The following DTNBP1 variants were observed in gnomAD, a reference collection of about 807,000 sequenced individuals.
The protein encoded by DTNBP1 is dysbindin.
DTNBP1 carries 35 observed loss-of-function variants against 42.8 expected under a neutral mutation model. The ratio of observed to expected loss-of-function variants is 0.82; its 90% CI spans 0.63 to 1.09. The LOEUF (loss-of-function observed/expected upper bound fraction) is 1.09. Ranked by LOEUF, DTNBP1 falls within the 50% of genes least tolerant of loss-of-function variation. DTNBP1 has a pLI of 0.00. For synonymous variants in DTNBP1, 171 were observed against 162.2 expected (o/e 1.05, Z -0.41); for missense variants, 457 against 424.2 (o/e 1.08, Z -0.68).
rs2619547 is a variant in DTNBP1, at chr6:15,633,391, C to A, written c.222+4353G>T. Among the ~76,000 whole-genome samples the A allele has an allele frequency of 3.3e-5, 5 of 152,132 alleles. No individual in the cohort carries two copies. The East Asian group carries it at 9.7e-4, about 29-fold the overall frequency. On this transcript the variant is annotated intron_variant, in intron 4 of 9. Coordinates refer to ENST00000344537, the MANE Select transcript of DTNBP1 (RefSeq NM_032122.5). Reference sequence around the variant, plus strand: ...AGATGCCATCACACAACATTCATGACTCATGGGAGGAAATCAAAATACCAA... The same window carrying A: ...AGATGCCATCACACAACATTCATGAATCATGGGAGGAAATCAAAATACCAA...
At chr6:15,663,032 C>G, upstream of DTNBP1, 2 of 943,178 alleles carry the variant, frequency 2.1e-6, no homozygotes, top group Non-Finnish European at 3.0e-6. Context: ...CAACCCCAGC[C>G]CCTTCCGCGT....
At chr6:15,627,195 A>T (rs1759396234) in intron 5 of DTNBP1, 148 bp downstream of exon 5, 1 of 1,029,438 alleles carries the variant, frequency 9.7e-7, no homozygotes, top group Non-Finnish European at 1.4e-6. Flanking sequence ...GGAATCCTCA[A>T]CTAATCAAAA....
At chr6:15,541,838 T>A (rs1387073589) in intron 7 of DTNBP1, among the ~76,000 whole-genome samples, 1 of 152,132 alleles carries the variant, frequency 6.6e-6, no homozygotes, top group African/African-American at 2.4e-5. Flanking sequence ...CAGGAACATA[T>A]TCAACATACT....
At chr6:15,580,753 T>C (rs574389588) in intron 7 of DTNBP1, among the ~76,000 whole-genome samples, 1 of 152,180 alleles carries the variant, frequency 6.6e-6, no homozygotes, top group Non-Finnish European at 1.5e-5. Context: ...ACAGTTATTT[T>C]AAAAATAAAG....
At chr6:15,549,491 T>TAAAA (rs1171397685) in intron 7 of DTNBP1, among the ~76,000 whole-genome samples, 1 of 77,954 alleles carries the variant, frequency 1.3e-5, no homozygotes, top group Non-Finnish European at 2.6e-5. Context: ...TCTCAGGGAT[T>TAAAA]AAAAAAAAAA....
At chr6:15,588,854 G>A (rs1054239077) in intron 7 of DTNBP1, among the ~76,000 whole-genome samples, 38 of 152,232 alleles carry the variant, frequency 2.5e-4, no homozygotes, top group Middle Eastern at 3.4e-3. Context: ...GTGAGTACTC[G>A]TCATTCAGAT....
At chr6:15,636,157 C>CTT (rs70996562) in intron 4 of DTNBP1, among the ~76,000 whole-genome samples, 1,383 of 127,022 alleles carry the variant, frequency 0.011, 62 homozygotes, top group African/African-American at 0.041. Context: ...TTACCTGCAC[C>CTT]TTTTTTTTTT....
chr6:15,563,502 G>A (rs1056100536), intron 7 of DTNBP1, among the ~76,000 whole-genome samples: 12 of 152,120 alleles, frequency 7.9e-5, no homozygotes, highest in Admixed American at 2.6e-4. Flanking sequence ...GCCACATAAC[G>A]TTAGATACTG....
In DTNBP1 at chr6:15,523,073, GAAC is replaced by G; in HGVS notation, c.955_957del (p.Val319del). On this transcript the variant is annotated inframe_deletion, in exon 10 of 10. Transcript: ENST00000344537. Reference sequence around the variant, plus strand: ...ACCTGAACTTCCTCCTCATCGGACTGAACAACGGGGGACTCCCCACCCTCACTG... The same window carrying G: ...ACCTGAACTTCCTCCTCATCGGACTGAACGGGGGACTCCCCACCCTCACTG... 6.2e-7 allele frequency: 1 copy of G among 1,614,226 alleles called. No homozygotes were observed. Among genetic ancestry groups the G allele is most frequent in the Non-Finnish European group, 8.5e-7 (1 of 1,180,038 alleles).
intron 1 of DTNBP1, among the ~76,000 whole-genome samples, chr6:15,657,852 C>T (rs1235868719): frequency 6.6e-6 from 1 of 152,210 alleles, no homozygotes; most frequent in African/African-American, 2.4e-5. Context: ...CTTCATCTCC[C>T]AGGACTGCTT....
chr6:15,588,784 T>A (rs1776179248), intron 7 of DTNBP1, among the ~76,000 whole-genome samples: 1 of 152,362 alleles, frequency 6.6e-6, no homozygotes, highest in South Asian at 2.1e-4. Context: ...TAAACATATA[T>A]GCATCTTTAC....
chr6:15,523,544 C>A, intron 9 of DTNBP1: 2 of 1,267,800 alleles, frequency 1.6e-6, no homozygotes, highest in South Asian at 1.4e-5. Context: ...GTCCTTGTAA[C>A]CTTGATAATC....
intron 8 of DTNBP1, 142 bp downstream of exon 8, chr6:15,533,098 G>A (rs886484798): frequency 2.0e-5 from 25 of 1,274,666 alleles, no homozygotes; most frequent in Middle Eastern, 5.2e-4. Context: ...GTGGCCCGAC[G>A]CACACATTTT....
intron 6 of DTNBP1, among the ~76,000 whole-genome samples, chr6:15,603,628 T>C (rs936040775): frequency 6.6e-5 from 10 of 152,380 alleles, no homozygotes; most frequent in Admixed American, 6.5e-4. Context: ...CTATAAATAC[T>C]CTTGAGCTTT....
intron 9 of DTNBP1, 143 bp downstream of exon 9, chr6:15,524,383 C>G: frequency 6.2e-7 from 1 of 1,613,916 alleles, no homozygotes; most frequent in Non-Finnish European, 8.5e-7. Context: ...CGTGTGGAAC[C>G]GTGGGGTTAG....
intron 6 of DTNBP1, among the ~76,000 whole-genome samples, chr6:15,603,395 C>T (rs962178678): frequency 5.3e-5 from 8 of 152,140 alleles, no homozygotes; most frequent in Non-Finnish European, 1.0e-4. Flanking sequence ...AAAAGAGATA[C>T]AAGTTTCAGC....
chr6:15,622,664 A>G (rs1166663434), intron 5 of DTNBP1, among the ~76,000 whole-genome samples: 1 of 152,166 alleles, frequency 6.6e-6, no homozygotes, highest in Non-Finnish European at 1.5e-5. Flanking sequence ...TAACAACCGC[A>G]TATGTCTCAT....
chr6:15,616,982 G>A (rs1358383480), intron 5 of DTNBP1, among the ~76,000 whole-genome samples: 1 of 152,118 alleles, frequency 6.6e-6, no homozygotes, highest in African/African-American at 2.4e-5. Flanking sequence ...CAACAACAAT[G>A]AAATTGCAGG....
At chr6:15,598,190 C>T (rs1776588511) in intron 6 of DTNBP1, among the ~76,000 whole-genome samples, 1 of 152,142 alleles carries the variant, frequency 6.6e-6, no homozygotes, top group African/African-American at 2.4e-5. Flanking sequence ...GAAAGAATCA[C>T]ATTAATAAGC....
Sources: gnomAD v4.1 joint callset for allele counts (sites outside exome capture counted in the v4.1 genomes callset) on GRCh38, gnomAD v4.1.1 for gene constraint, MANE v1.5 for transcripts, NCBI Gene and HGNC (gene_info 2026-07-23, HGNC 2026-07-21) for gene names.